Variants in ARRDC5 observed in about 807,000 individuals in gnomAD.
ARRDC5 encodes the protein arrestin domain containing 5.
In ARRDC5, 12 loss-of-function variants were observed where a neutral mutation model predicts 13.3. That is an observed-to-expected ratio of 0.90 (90% CI 0.58 to 1.46). The LOEUF (loss-of-function observed/expected upper bound fraction) is 1.46. Among genes scored for constraint, ARRDC5 ranks in the 40% most tolerant of loss-of-function variants. ARRDC5 has a pLI of 0.00. For synonymous variants in ARRDC5, 181 were observed against 173.4 expected (o/e 1.04, Z -0.34); for missense variants, 406 against 418.7 (o/e 0.97, Z 0.26).
the ARRDC5 span, among the ~76,000 whole-genome samples, chr19:4,914,706 G>A: frequency 2.7e-5 from 4 of 150,874 alleles, no homozygotes; most frequent in African/African-American, 7.3e-5. Flanking sequence ...TGTCTTTTGC[G>A]GCACCTTTAA....
At chr19:4,912,395 C>T in the ARRDC5 span, among the ~76,000 whole-genome samples, 1 of 152,176 alleles carries the variant, frequency 6.6e-6, no homozygotes, top group Admixed American at 6.5e-5. Flanking sequence ...CCTGCAAGGA[C>T]CTTCTAAGTT....
rs141383659 is a variant in ARRDC5 at position 4,891,395 on chromosome 19, T to A, written c.638A>T (p.Tyr213Phe). The A allele has an allele frequency of 6.2e-7, 1 of 1,613,366 alleles. No individual in the cohort carries two copies. The highest frequency in any genetic ancestry group is 1.3e-5 in the African/African-American group (1 of 74,948). Residue 213 changes from tyrosine to phenylalanine, a missense_variant, in exon 3 of 3, where the codon TAT (tyrosine) becomes TTT (phenylalanine). Tyr to Phe is a conservative substitution (Grantham distance 22, BLOSUM62 3). Coordinates refer to ENST00000650722, the MANE Select transcript of ARRDC5 (RefSeq NM_001080523.3). ...KCIKTVVFAL[Y>F]AHIQYEGFTP... ...GAAGCCCTCGTACTGTATGTGGGCA[T>A]ACAGGGCGAATACGACCGTCTTGAT...
rs200387159 is a variant in ARRDC5 at position 4,896,731 on chromosome 19, C to T, written c.399G>A (p.Lys133=). The change falls in exon 2 of 3, where the codon AAG becomes AAA. Residue 133 remains lysine (K), a synonymous_variant. Coordinates refer to ENST00000650722, the MANE Select transcript of ARRDC5 (RefSeq NM_001080523.3). The stretch of plus-strand genomic sequence containing the variant: ...CTTGAACCAATAAGTACATCCTCTT[C>T]TTGGCTAAAATGTGTTCCCTGCCCA... ...SCMGREHILA[K]KRMYLLVQGT... 1 of 1,613,786 alleles carries T rather than the reference C, an allele frequency of 6.2e-7. No individual in the cohort carries two copies. The highest frequency in any genetic ancestry group is 1.6e-4 in the Middle Eastern group (1 of 6,062).
rs2031753307 is a variant in ARRDC5 at position 4,896,822 on chromosome 19, G to A, written c.308C>T (p.Pro103Leu). Residue 103 changes from proline (P) to leucine (L), a missense_variant, in exon 2 of 3, where the codon CCC becomes CTC. By Grantham distance (98) the Pro-to-Leu change is moderately conservative. Transcript: ENST00000650722. ...GCTGGTGAAGGTAGAAGGAAGCCTG[G>A]GAGGTAAGTTGAAATGGAAGTCAAA... ...HTFDFHFNLP[P>L]RLPSTFTSKF... The A allele has an allele frequency of 6.2e-7, 1 of 1,613,778 alleles. No individual in the cohort carries two copies. Among genetic ancestry groups the A allele is most frequent in the Admixed American group, 1.7e-5 (1 of 59,980 alleles).
At chr19:4,892,958 C>T (rs1475498839) in intron 2 of ARRDC5, among the ~76,000 whole-genome samples, 2 of 150,646 alleles carry the variant, frequency 1.3e-5, no homozygotes, top group Admixed American at 6.7e-5. Context: ...CAAAAATTAG[C>T]CGGGCGTGGT....
Position 4,901,415 on chromosome 19 carries a change from ACCAG to A in ARRDC5, c.253+1154_253+1157del, listed in dbSNP as rs1332079012. ...CGAATCACGAGGTCAGGAGTTCGAG[ACCAG>A]CCTGGCCAACGTGGTGAAACCCTGC... On this transcript the variant is annotated intron_variant, in intron 1 of 2. Transcript: ENST00000650722. Among the ~76,000 whole-genome samples the A allele has an allele frequency of 8.5e-5, 13 of 152,144 alleles. No homozygotes were observed. In the South Asian group the frequency reaches 2.5e-3, roughly 29 times the overall value.
chr19:4,911,350 G>A, the ARRDC5 span, among the ~76,000 whole-genome samples: 2 of 152,134 alleles, frequency 1.3e-5, no homozygotes, highest in South Asian at 4.2e-4. Context: ...GGAGGTGGCC[G>A]ATGGAAGGCT....
upstream of ARRDC5, among the ~76,000 whole-genome samples, chr19:4,906,624 G>A (rs887357248): frequency 3.3e-5 from 5 of 152,064 alleles, no homozygotes; most frequent in Admixed American, 6.6e-5. Flanking sequence ...ATGGTGGTGC[G>A]GACCTCTAGT....
chr19:4,913,930 G>T, the ARRDC5 span, among the ~76,000 whole-genome samples: 1 of 149,110 alleles, frequency 6.7e-6, no homozygotes, highest in Non-Finnish European at 1.5e-5. Flanking sequence ...TTCTGCCTCA[G>T]CCTCCCGAGT....
chr19:4,904,185 GT>G (rs534038745), upstream of ARRDC5, among the ~76,000 whole-genome samples: 4 of 142,742 alleles, frequency 2.8e-5, no homozygotes, highest in South Asian at 2.3e-4. Context: ...TTTTGTTTTT[GT>G]TTTTTTTTTG....
chr19:4,908,457 C>T, the ARRDC5 span, among the ~76,000 whole-genome samples: 2 of 152,114 alleles, frequency 1.3e-5, no homozygotes. Flanking sequence ...ACCCCTCTGA[C>T]CTCAACTCCC....
the ARRDC5 span, among the ~76,000 whole-genome samples, chr19:4,916,480 G>A: frequency 2.6e-4 from 39 of 152,182 alleles, no homozygotes; most frequent in African/African-American, 9.2e-4. Flanking sequence ...GACAGTGATC[G>A]TGGTGTCTTT....
chr19:4,900,751 G>A (rs962985583), intron 1 of ARRDC5, among the ~76,000 whole-genome samples: 3 of 152,128 alleles, frequency 2.0e-5, no homozygotes, highest in African/African-American at 7.2e-5. Context: ...CAGGTGTGGT[G>A]GCTCATGCCT....
At position 4,896,349 on chromosome 19, in the gene ARRDC5, T is replaced by TATATA. The variant is rs1491487740; in HGVS notation, c.459+321_459+322insTATAT. 1.5e-3 allele frequency among the ~76,000 whole-genome samples: 47 copies of TATATA among 30,640 alleles called. 1 individual carries two copies. The highest frequency in any genetic ancestry group is 4.1e-3 in the African/African-American group (32 of 7,848). 20.1% of individuals were successfully genotyped at this position (30,640 alleles called of 152,430 possible). A position where few individuals can be genotyped will look rare whatever the true frequency, so the allele number is the denominator to read the frequency against. On this transcript the variant is annotated intron_variant, in intron 2 of 2. Coordinates refer to ENST00000650722, the MANE Select transcript of ARRDC5 (RefSeq NM_001080523.3). ...AAAAAAATATATATATATATATATA[T>TATATA]TTTTTTTTTTTTACACACACACACA...
intron 1 of ARRDC5, among the ~76,000 whole-genome samples, chr19:4,898,665 C>CTTTTTTTTTTTT (rs71170878): frequency 0.017 from 2,232 of 130,162 alleles, 84 homozygotes; most frequent in Non-Finnish European, 0.025. Context: ...CGGGCTTGGC[C>CTTTTTTTTTTTT]TTTTTTTTTT....
upstream of ARRDC5, chr19:4,903,030 T>TTTTTCACTCGTTC: frequency 8.6e-6 from 2 of 233,540 alleles, no homozygotes; most frequent in Middle Eastern, 1.0e-3. Context: ...TCACTGGTTC[T>TTTTTCACTCGTTC]TTTTTTTTTT....
At chr19:4,902,186 G>A (rs2031942371) in intron 1 of ARRDC5, among the ~76,000 whole-genome samples, 1 of 151,464 alleles carries the variant, frequency 6.6e-6, no homozygotes, top group African/African-American at 2.4e-5. Context: ...CACTGTGCCT[G>A]GCCCACCTCC....
upstream of ARRDC5, chr19:4,903,019 C>CACACTGGTTCTTTT: frequency 2.2e-6 from 1 of 447,142 alleles, no homozygotes. Flanking sequence ...ACCTGTAGTC[C>CACACTGGTTCTTTT]TCACTGGTTC....
At chr19:4,911,272 G>A in the ARRDC5 span, among the ~76,000 whole-genome samples, 1 of 152,190 alleles carries the variant, frequency 6.6e-6, no homozygotes, top group African/African-American at 2.4e-5. Context: ...CGAATCTATA[G>A]GGTCTGGGCT....
Sources: gnomAD v4.1 joint callset for allele counts (sites outside exome capture counted in the v4.1 genomes callset) on GRCh38, gnomAD v4.1.1 for gene constraint, MANE v1.5 for transcripts, NCBI Gene and HGNC (gene_info 2026-07-23, HGNC 2026-07-21) for gene names.